COL24A1: variants seen among roughly 807,000 people sequenced by gnomAD.
COL24A1 encodes the protein collagen alpha-1(XXIV) chain.
Under a neutral mutation model 253.9 loss-of-function variants are expected in COL24A1, and 224 were observed. The ratio of observed to expected loss-of-function variants is 0.88; its 90% CI spans 0.79 to 0.99. The LOEUF (loss-of-function observed/expected upper bound fraction) is 0.99. Among genes scored for constraint, COL24A1 ranks in the 50% least tolerant of loss-of-function variants. COL24A1 has a pLI of 0.00. For missense variants in COL24A1, 2,131 were observed against 2,068.5 expected, an observed-to-expected ratio of 1.03 and a Z score of -0.59; for synonymous variants, 685 against 673.7, an observed-to-expected ratio of 1.02 and a Z score of -0.26.
rs763815365 is a variant in COL24A1 at position 86,156,298 on chromosome 1, G to T, written c.56+43C>A. 6.4e-6 allele frequency: 10 copies of T among 1,565,676 alleles called. No homozygotes were observed. In the African/African-American group the frequency reaches 9.6e-5, roughly 15 times the overall value. On this transcript the variant is annotated intron_variant, in intron 1 of 59. Transcript: ENST00000370571. ...AGCAGAACCAGGGGGTGGAGAGAGG[G>T]GTTGGTCTAACCCCTACCCTACCCG...
chr1:86,109,157 T>A (rs1705296309), intron 5 of COL24A1, among the ~76,000 whole-genome samples: 1 of 152,184 alleles, frequency 6.6e-6, no homozygotes, highest in African/African-American at 2.4e-5. Context: ...AGTCCCCAAA[T>A]GAAGCTCGAA....
intron 53 of COL24A1, among the ~76,000 whole-genome samples, chr1:85,774,843 T>C (rs1668361326): frequency 6.6e-6 from 1 of 152,198 alleles, no homozygotes; most frequent in African/African-American, 2.4e-5. Flanking sequence ...CATTGATTTC[T>C]TGAAGGGTTT....
At chr1:86,063,076 G>T (rs1701212037) in intron 8 of COL24A1, among the ~76,000 whole-genome samples, 3 of 151,850 alleles carry the variant, frequency 2.0e-5, no homozygotes, top group African/African-American at 7.3e-5. Flanking sequence ...CACACCATAA[G>T]ACATATGACT....
intron 28 of COL24A1, among the ~76,000 whole-genome samples, chr1:85,897,525 G>A (rs549545108): frequency 6.6e-6 from 1 of 152,124 alleles, no homozygotes; most frequent in East Asian, 1.9e-4. Flanking sequence ...AGGAATTACT[G>A]GGAGATGGCA....
intron 6 of COL24A1, 60 bp downstream of exon 6, chr1:86,092,207 A>G: frequency 1.5e-6 from 2 of 1,333,702 alleles, no homozygotes; most frequent in Non-Finnish European, 2.1e-6. Flanking sequence ...AAAATGCTTA[A>G]ATTATTTTAA....
chr1:86,067,253 TA>T (rs1701566376), intron 7 of COL24A1, among the ~76,000 whole-genome samples: 2 of 152,112 alleles, frequency 1.3e-5, no homozygotes, highest in African/African-American at 4.8e-5. Context: ...TTTAATGCTC[TA>T]AAACAAAGAT....
intron 24 of COL24A1, among the ~76,000 whole-genome samples, chr1:85,921,526 C>T (rs1686491662): frequency 6.6e-6 from 1 of 152,182 alleles, no homozygotes; most frequent in Non-Finnish European, 1.5e-5. Flanking sequence ...GATACCTAGG[C>T]AAACATGGTC....
At chr1:85,884,817 C>T (rs72710991) in intron 32 of COL24A1, among the ~76,000 whole-genome samples, 12,732 of 152,188 alleles carry the variant, frequency 0.084, 750 homozygotes, top group Non-Finnish European at 0.13. Context: ...CTATCCCTCT[C>T]CCTCTGCTGG....
intron 14 of COL24A1, among the ~76,000 whole-genome samples, chr1:86,025,611 G>T (rs1697958445): frequency 6.6e-6 from 1 of 152,166 alleles, no homozygotes; most frequent in Non-Finnish European, 1.5e-5. Context: ...ATACCTGCTG[G>T]AAGGGAACAC....
At chr1:85,863,904 G>A (rs893816870) in intron 37 of COL24A1, among the ~76,000 whole-genome samples, 1 of 152,154 alleles carries the variant, frequency 6.6e-6, no homozygotes, top group African/African-American at 2.4e-5. Context: ...AACAACAAGT[G>A]GGGGAGAGAA....
In COL24A1 at chr1:86,112,591, A is replaced by G. The variant is rs552694449; in HGVS notation, c.1575T>C (p.Gly525=). 2.5e-6 allele frequency: 4 copies of G among 1,613,444 alleles called. No homozygotes were observed. In the South Asian group the frequency reaches 3.3e-5, roughly 13 times the overall value. ...RGIPGPHGNP[G]LPGLPGPKGP... is the part of the protein sequence containing the mutation. ...CCTTTGGACCAGGTAATCCAGGTAA[A>G]CCAGGATTTCCATGTGGCCCTGGTA... is the stretch of plus-strand genomic sequence containing the variant. Residue 525 remains glycine, a synonymous_variant, in exon 5 of 60, where the codon GGT becomes GGC. Coordinates refer to ENST00000370571, the MANE Select transcript of COL24A1 (RefSeq NM_152890.7).
chr1:86,060,170 A>G (rs1393806326), intron 8 of COL24A1, among the ~76,000 whole-genome samples: 1 of 152,148 alleles, frequency 6.6e-6, no homozygotes, highest in Non-Finnish European at 1.5e-5. Context: ...TGAAAAAGTG[A>G]GACAAAATAT....
intron 53 of COL24A1, among the ~76,000 whole-genome samples, chr1:85,768,565 T>C (rs1011685832): frequency 3.1e-5 from 4 of 127,180 alleles, no homozygotes; most frequent in Middle Eastern, 3.7e-3. Context: ...TTATGTTCTA[T>C]GGCTTTGTTA....
At chr1:85,851,038 T>C (rs1570913930) in intron 37 of COL24A1, among the ~76,000 whole-genome samples, 1 of 146,000 alleles carries the variant, frequency 6.8e-6, no homozygotes, top group African/African-American at 2.5e-5. Context: ...TATATATACA[T>C]ATAATTGAAG....
At chr1:86,134,078 G>T (rs568295291) in intron 2 of COL24A1, among the ~76,000 whole-genome samples, 1 of 152,232 alleles carries the variant, frequency 6.6e-6, no homozygotes, top group Admixed American at 6.5e-5. Context: ...TTCGTCTTGG[G>T]AGGGTGTATA....
At chr1:86,073,938 C>T (rs920965571) in intron 7 of COL24A1, among the ~76,000 whole-genome samples, 1 of 152,064 alleles carries the variant, frequency 6.6e-6, no homozygotes, top group Non-Finnish European at 1.5e-5. Flanking sequence ...TTTGTCACCA[C>T]CAGGCCTGCC....
chr1:85,851,668 G>A (rs890912973), intron 37 of COL24A1, among the ~76,000 whole-genome samples: 2 of 152,064 alleles, frequency 1.3e-5, no homozygotes, highest in African/African-American at 4.8e-5. Context: ...TTATGTTATT[G>A]GTTATTATGG....
chr1:85,758,158 T>C (rs979592756), intron 55 of COL24A1, among the ~76,000 whole-genome samples: 1 of 152,110 alleles, frequency 6.6e-6, no homozygotes, highest in Non-Finnish European at 1.5e-5. Context: ...TTTTTTCATA[T>C]GTCTAAAGTT....
Position 85,906,960 on chromosome 1 carries a change from G to A in COL24A1, c.2778+234C>T, listed in dbSNP as rs185835803. Among the ~76,000 whole-genome samples the A allele has an allele frequency of 2.5e-3, 382 of 151,872 alleles. 3 individuals carry two copies. The highest frequency in any genetic ancestry group is 8.9e-3 in the African/African-American group (369 of 41,512). On this transcript the variant is annotated intron_variant, in intron 28 of 59. Transcript: ENST00000370571. Reference sequence around the variant, plus strand: ...AATAAGAAACAAGAATTCTATATGAGTTAGTGATACATGTAAAAATTAAAA... The same window carrying A: ...AATAAGAAACAAGAATTCTATATGAATTAGTGATACATGTAAAAATTAAAA...
Sources: allele counts gnomAD v4.1 joint callset (sites outside exome capture counted in the v4.1 genomes callset), GRCh38; gene constraint gnomAD v4.1.1; transcripts MANE v1.5; gene names NCBI Gene and HGNC (gene_info 2026-07-23, HGNC 2026-07-21).